SDHC: variants seen among roughly 807,000 people sequenced by gnomAD.
SDHC encodes the protein succinate dehydrogenase cytochrome b560 subunit, mitochondrial.
Under a neutral mutation model 22.6 loss-of-function variants are expected in SDHC, and 11 were observed. The observed-to-expected ratio is 0.49, with a 90% CI of 0.31 to 0.81. The LOEUF is 0.81. SDHC is among the 30% of genes least tolerant of loss of function. The pLI is 0.05. For missense variants in SDHC, 160 were observed against 212.0 expected (o/e 0.75, Z 1.52); for synonymous variants, 80 against 77.8 (o/e 1.03, Z -0.15).
intron 1 of SDHC, among the ~76,000 whole-genome samples, chr1:161,323,146 G>GCC (rs1329833465): frequency 7.9e-5 from 12 of 151,928 alleles, no homozygotes. Context: ...TTACAGGCAT[G>GCC]CGCCACCACG....
chr1:161,336,942 T>C (rs916937161), intron 3 of SDHC, among the ~76,000 whole-genome samples: 4 of 152,126 alleles, frequency 2.6e-5, no homozygotes, highest in Non-Finnish European at 5.9e-5. Flanking sequence ...TGATCACGGC[T>C]TGCTGCAACC....
At chr1:161,324,259 C>T (rs1310636118) in intron 2 of SDHC, among the ~76,000 whole-genome samples, 1 of 152,178 alleles carries the variant, frequency 6.6e-6, no homozygotes, top group Non-Finnish European at 1.5e-5. Context: ...ATGTGGTGTG[C>T]CACCATGCCT....
At chr1:161,324,930 G>A (rs896641532) in intron 2 of SDHC, among the ~76,000 whole-genome samples, 8 of 152,292 alleles carry the variant, frequency 5.3e-5, no homozygotes, top group South Asian at 2.1e-4. Context: ...GCTAGGCATG[G>A]TGGTTCATGC....
At chr1:161,322,881 G>T (rs58758353) in intron 1 of SDHC, among the ~76,000 whole-genome samples, 3 of 151,882 alleles carry the variant, frequency 2.0e-5, no homozygotes, top group Non-Finnish European at 4.4e-5. Context: ...AAATTCATCC[G>T]TTTGTAGTAG....
At chr1:161,318,234 C>A (rs147723822) in intron 1 of SDHC, among the ~76,000 whole-genome samples, 349 of 152,212 alleles carry the variant, frequency 2.3e-3, no homozygotes, top group African/African-American at 8.0e-3. Context: ...TCCCTTCTAA[C>A]TGACATTTTG....
chr1:161,341,034 G>A (rs965023899), intron 4 of SDHC, among the ~76,000 whole-genome samples: 5 of 152,030 alleles, frequency 3.3e-5, no homozygotes, highest in African/African-American at 4.8e-5. Flanking sequence ...TAGTAGAGAC[G>A]GGGTTTCACC....
chr1:161,319,164 T>C (rs1431039276), intron 1 of SDHC, among the ~76,000 whole-genome samples: 1 of 152,152 alleles, frequency 6.6e-6, no homozygotes, highest in East Asian at 1.9e-4. Context: ...GAGGTTGCTG[T>C]GAGCTGAGAT....
chr1:161,362,287 A>G (rs371889337), intron 5 of SDHC, 42 bp from the exon 6 acceptor site: 46 of 1,593,330 alleles, frequency 2.9e-5, no homozygotes, highest in Non-Finnish European at 3.5e-5. Flanking sequence ...TTAATGTCCT[A>G]TTTACTGAAA....
chr1:161,327,585 G>T (rs1281664544), intron 2 of SDHC, among the ~76,000 whole-genome samples: 1 of 151,820 alleles, frequency 6.6e-6, no homozygotes, highest in Non-Finnish European at 1.5e-5. Context: ...TTTTTGAGAC[G>T]GAGTCTTGCT....
At chr1:161,319,525 CA>C (rs1670765220) in intron 1 of SDHC, among the ~76,000 whole-genome samples, 1 of 151,466 alleles carries the variant, frequency 6.6e-6, no homozygotes, top group Non-Finnish European at 1.5e-5. Context: ...TGGCTCACTG[CA>C]ACCTCTGCCT....
chr1:161,316,864 T>C (rs1033806577), intron 1 of SDHC, among the ~76,000 whole-genome samples: 3 of 152,216 alleles, frequency 2.0e-5, no homozygotes, highest in African/African-American at 7.2e-5. Flanking sequence ...TTTCTGGTTC[T>C]ACATTTATTT....
Position 161,356,769 on chromosome 1 carries a change from C to G in SDHC, c.334C>G (p.Leu112Val), listed in dbSNP as rs1329297940. 2 of 1,613,878 alleles carry G rather than the reference C, an allele frequency of 1.2e-6. No homozygotes were observed. Among genetic ancestry groups the G allele is most frequent in the Non-Finnish European group, 8.5e-7 (1 of 1,180,008 alleles). Reference sequence around the variant, plus strand: ...GAAGTCCCTGTGTCTGGGGCCAGCACTGATCCACACAGCTAAGTTTGCACT... The same window carrying G: ...GAAGTCCCTGTGTCTGGGGCCAGCAGTGATCCACACAGCTAAGTTTGCACT... ...LVKSLCLGPA[L>V]IHTAKFALVF... is the part of the protein sequence containing the mutation. Residue 112 changes from leucine (L) to valine (V), a missense_variant, in exon 5 of 6, where the codon CTG (leucine) becomes GTG (valine). Physicochemically the swap from Leu to Val is conservative, Grantham distance 32. Transcript: ENST00000367975.
rs1275441331 is a variant in SDHC, at chr1:161,362,990, G to A, written c.*557G>A. On this transcript the variant is annotated 3_prime_UTR_variant, in exon 6 of 6. Transcript: ENST00000367975. ...TCCCAGCTAGAGGGAGATAAAGAGG[G>A]CTAGTTAGTTCTTGGAGCAGCTGCT... 1 of 255,580 alleles carries A rather than the reference G, an allele frequency of 3.9e-6. No individual in the cohort carries two copies. Among genetic ancestry groups the A allele is most frequent in the Non-Finnish European group, 7.7e-6 (1 of 129,608 alleles). 15.8% of individuals were successfully genotyped at this position (255,580 alleles called of 1,614,324 possible). A position where few individuals can be genotyped will look rare whatever the true frequency, so the allele number is the denominator to read the frequency against.
At chr1:161,340,272 G>A (rs1671672909) in intron 3 of SDHC, among the ~76,000 whole-genome samples, 1 of 151,288 alleles carries the variant, frequency 6.6e-6, no homozygotes, top group Non-Finnish European at 1.5e-5. Flanking sequence ...CTGGGTGACA[G>A]AGCAAGACCC....
intron 3 of SDHC, among the ~76,000 whole-genome samples, chr1:161,339,150 T>C (rs1671608032): frequency 1.3e-5 from 2 of 152,018 alleles, no homozygotes; most frequent in Non-Finnish European, 2.9e-5. Flanking sequence ...GCCCGGCCTA[T>C]AGTGATTACT....
At chr1:161,325,251 T>C (rs1439420708) in intron 2 of SDHC, among the ~76,000 whole-genome samples, 1 of 151,800 alleles carries the variant, frequency 6.6e-6, no homozygotes, top group Admixed American at 6.6e-5. Flanking sequence ...CTCACACTTG[T>C]AATTCCAGCA....
chr1:161,330,541 G>A (rs77953585), intron 3 of SDHC, among the ~76,000 whole-genome samples: 4,340 of 152,202 alleles, frequency 0.029, 224 homozygotes, highest in East Asian at 0.24. Flanking sequence ...AGCTCCATCC[G>A]CTATCCTTCT....
At chr1:161,320,018 A>G (rs16832820) in intron 1 of SDHC, among the ~76,000 whole-genome samples, 17,800 of 152,140 alleles carry the variant, frequency 0.12, 1,411 homozygotes, top group African/African-American at 0.22. Context: ...AGGCAGGAGA[A>G]TGATGAAACC....
rs559776717 is a variant in SDHC at position 161,327,240 on chromosome 1, T to C, written c.78-1156T>C. Among the ~76,000 whole-genome samples the C allele has an allele frequency of 3.1e-3, 473 of 152,318 alleles. 2 individuals carry two copies. The highest frequency in any genetic ancestry group is 4.8e-3 in the Non-Finnish European group (326 of 68,026). On this transcript the variant is annotated intron_variant, in intron 2 of 5. Transcript: ENST00000367975. The stretch of plus-strand genomic sequence containing the variant: ...CACCATGTCTGGCCTAAGTTTTCCT[T>C]ATATAGGGATCTTGTCTATGTAAGG...
Sources: gnomAD v4.1 joint callset for allele counts (sites outside exome capture counted in the v4.1 genomes callset) on GRCh38, gnomAD v4.1.1 for gene constraint, MANE v1.5 for transcripts, NCBI Gene and HGNC (gene_info 2026-07-23, HGNC 2026-07-21) for gene names.